Variants in HDAC9 observed in about 807,000 individuals in gnomAD.
HDAC9 encodes histone deacetylase 9.
HDAC9 carries 41 observed loss-of-function variants against 139.4 expected under a neutral mutation model. That is an observed-to-expected ratio of 0.29 (90% CI 0.23 to 0.38). The LOEUF (loss-of-function observed/expected upper bound fraction) is 0.38, where lower values mean the gene tolerates loss of function less well. Among genes scored for constraint, HDAC9 ranks in the 10% least tolerant of loss-of-function variants. HDAC9 has a pLI of 1.00. For synonymous variants in HDAC9, 517 were observed against 476.2 expected (o/e 1.09, Z -1.12); for missense variants, 1,147 against 1,297.0 (o/e 0.88, Z 1.78).
chr7:18,862,932 C>A lies in HDAC9; in HGVS notation c.2685-11546C>A, dbSNP rs182428708. Reference sequence around the variant, plus strand: ...CTGAAGGTGTGAAAATTTTTGAGCCCAATTTTTTCCTTTTCTCCTCATTAC... The same window carrying A: ...CTGAAGGTGTGAAAATTTTTGAGCCAAATTTTTTCCTTTTCTCCTCATTAC... On this transcript the variant is annotated intron_variant, in intron 21 of 25. Coordinates refer to ENST00000686413, the MANE Select transcript of HDAC9 (RefSeq NM_178425.4). Among the ~76,000 whole-genome samples the A allele has an allele frequency of 3.1e-3, 466 of 152,118 alleles. 2 individuals are homozygous for A. Among genetic ancestry groups the A allele is most frequent in the Non-Finnish European group, 4.9e-3 (332 of 67,972 alleles).
At chr7:18,121,488 A>T (rs1784361359) in intron 1 of HDAC9, among the ~76,000 whole-genome samples, 1 of 151,984 alleles carries the variant, frequency 6.6e-6, no homozygotes, top group South Asian at 2.1e-4. Flanking sequence ...TAAAGAGAGA[A>T]AGGACAGGAC....
chr7:18,832,755 G>A (rs991748903), intron 19 of HDAC9, among the ~76,000 whole-genome samples: 5 of 151,564 alleles, frequency 3.3e-5, no homozygotes, highest in Non-Finnish European at 7.4e-5. Context: ...TTTTTCTTGA[G>A]ACGGAGTTTC....
intron 1 of HDAC9, among the ~76,000 whole-genome samples, chr7:18,378,748 T>C (rs961120655): frequency 1.6e-4 from 24 of 152,256 alleles, no homozygotes; most frequent in African/African-American, 4.8e-4. Flanking sequence ...TATAAATGCA[T>C]AGCCCATACC....
At chr7:18,938,651 C>T (rs981823473) in intron 23 of HDAC9, among the ~76,000 whole-genome samples, 1 of 152,112 alleles carries the variant, frequency 6.6e-6, no homozygotes, top group Admixed American at 6.5e-5. Context: ...ATTAAAACCA[C>T]CCTTTTAAAT....
intron 6 of HDAC9, 80 bp downstream of exon 6, chr7:18,594,109 A>C (rs1427322172): frequency 1.9e-5 from 29 of 1,497,704 alleles, no homozygotes; most frequent in Admixed American, 3.5e-5. Flanking sequence ...TCTAGAAGAA[A>C]GTCAAAGGAT....
intron 17 of HDAC9, among the ~76,000 whole-genome samples, chr7:18,797,078 A>G (rs6963568): frequency 0.64 from 97,798 of 152,096 alleles, 33,275 homozygotes; most frequent in Non-Finnish European, 0.76. Flanking sequence ...AGTGCCTTCT[A>G]TAGGCAGCCA....
chr7:18,644,891 C>G, intron 9 of HDAC9, 98 bp downstream of exon 9: 1 of 1,218,116 alleles, frequency 8.2e-7, no homozygotes. Flanking sequence ...TTTAGAAAAA[C>G]TTGACAGAGC....
At chr7:18,408,823 A>T (rs1282490653) in intron 1 of HDAC9, among the ~76,000 whole-genome samples, 1 of 152,192 alleles carries the variant, frequency 6.6e-6, no homozygotes, top group East Asian at 1.9e-4. Context: ...GTATGTAATA[A>T]TTTCTAATGC....
Position 18,199,324 on chromosome 7 carries a change from T to C in HDAC9, c.25+36975T>C, listed in dbSNP as rs59749127. Among the ~76,000 whole-genome samples the C allele has an allele frequency of 2.8e-3, 419 of 152,334 alleles. 1 individual carries two copies. Among genetic ancestry groups the C allele is most frequent in the African/African-American group, 9.2e-3 (384 of 41,582 alleles). On this transcript the variant is annotated intron_variant, in intron 2 of 12. Transcript: ENST00000417496. ...CAATTTCTGGATTTCTTGTGAAGTT[T>C]AATAATTTATCCTTGGATTCATTTT...
Position 18,997,105 on chromosome 7 carries a change from T to C in HDAC9, c.*1043T>C, listed in dbSNP as rs1786511661. The C allele has an allele frequency of 6.6e-6, 1 of 152,198 alleles. No individual in the cohort carries two copies. Among genetic ancestry groups the C allele is most frequent in the African/African-American group, 2.4e-5 (1 of 41,450 alleles). 9.4% of individuals were successfully genotyped at this position (152,198 alleles called of 1,614,324 possible). On this transcript the variant is annotated 3_prime_UTR_variant, in exon 26 of 26. Coordinates refer to ENST00000686413, the MANE Select transcript of HDAC9 (RefSeq NM_178425.4). ...TTATTACTTGAGGGCCTTGACTATT[T>C]AGTTTATTTTGTTTACTTTACAGGT...
chr7:18,346,722 CTT>C (rs1782444472), intron 1 of HDAC9, among the ~76,000 whole-genome samples: 1 of 152,028 alleles, frequency 6.6e-6, no homozygotes, highest in African/African-American at 2.4e-5. Context: ...TCGAAAGACA[CTT>C]TTTTCTTCCA....
At chr7:18,767,260 T>C (rs2129161208) in intron 16 of HDAC9, 105 bp downstream of exon 16, 1 of 579,536 alleles carries the variant, frequency 1.7e-6, no homozygotes, top group African/African-American at 2.0e-5. Context: ...GTAAAAGTTA[T>C]GCTAGACTTC....
intron 1 of HDAC9, among the ~76,000 whole-genome samples, chr7:18,106,154 C>G (rs555078009): frequency 6.6e-6 from 1 of 152,252 alleles, no homozygotes; most frequent in South Asian, 2.1e-4. Flanking sequence ...CTGTATACCT[C>G]TGTGAATATA....
intron 6 of HDAC9, among the ~76,000 whole-genome samples, chr7:18,617,727 T>C (rs1023574850): frequency 2.0e-5 from 3 of 152,198 alleles, no homozygotes; most frequent in Non-Finnish European, 2.9e-5. Context: ...AGCCTATTTA[T>C]TATTGTATCC....
intron 1 of HDAC9, 98 bp from the exon 2 acceptor site, chr7:18,496,164 G>T (rs1796884178): frequency 4.2e-6 from 6 of 1,439,160 alleles, no homozygotes; most frequent in Non-Finnish European, 5.8e-6. Flanking sequence ...TCCTGGGGCC[G>T]GTGCACTGAG....
Position 18,847,336 on chromosome 7 carries a change from G to A in HDAC9, c.2684+11339G>A, listed in dbSNP as rs573030461. Among the ~76,000 whole-genome samples the A allele has an allele frequency of 2.0e-5, 3 of 152,118 alleles. No individual in the cohort carries two copies. In the South Asian group the frequency reaches 6.2e-4, roughly 32 times the overall value. On this transcript the variant is annotated intron_variant, in intron 21 of 25. Transcript: ENST00000686413. ...ATTACTTTTCAAAACATTTTTGTTT[G>A]TGCCTTTTTTTCTTTTTCCTTTCTT...
chr7:18,882,425 T>C (rs1263719230), intron 22 of HDAC9, among the ~76,000 whole-genome samples: 3 of 152,108 alleles, frequency 2.0e-5, no homozygotes, highest in African/African-American at 7.2e-5. Context: ...GACCCAGCTG[T>C]TAACACCTGC....
chr7:18,790,074 GT>G (rs761457026), intron 16 of HDAC9, among the ~76,000 whole-genome samples: 2 of 152,132 alleles, frequency 1.3e-5, no homozygotes, highest in Non-Finnish European at 2.9e-5. Context: ...TATGTATCCT[GT>G]TTTATCATTG....
intron 12 of HDAC9, among the ~76,000 whole-genome samples, chr7:18,705,860 A>T (rs1431349772): frequency 7.5e-6 from 1 of 133,774 alleles, no homozygotes; most frequent in East Asian, 2.1e-4. Flanking sequence ...CTCAAAAAAA[A>T]AAATAAAATA....
Sources: gnomAD v4.1 joint callset for allele counts (sites outside exome capture counted in the v4.1 genomes callset) on GRCh38, gnomAD v4.1.1 for gene constraint, MANE v1.5 for transcripts, NCBI Gene and HGNC (gene_info 2026-07-23, HGNC 2026-07-21) for gene names.